Variants in DNM1L observed in about 807,000 individuals in gnomAD.
DNM1L encodes dynamin 1L, also known as dynamin-1-like protein.
In DNM1L, 33 loss-of-function variants were observed where a neutral mutation model predicts 92.8. The ratio of observed to expected loss-of-function variants is 0.36; its 90% CI spans 0.27 to 0.48. The LOEUF (loss-of-function observed/expected upper bound fraction) is 0.48, where lower values mean the gene tolerates loss of function less well. DNM1L is among the 20% of genes least tolerant of loss of function. The pLI, the probability that DNM1L is intolerant of heterozygous loss-of-function variation, is 0.99. For synonymous variants in DNM1L, 284 were observed against 305.0 expected (o/e 0.93, Z 0.72); for missense variants, 485 against 888.8 (o/e 0.55, Z 5.78).
At chr12:32,684,452 C>G (rs778691325) in intron 1 of DNM1L, among the ~76,000 whole-genome samples, 10 of 151,956 alleles carry the variant, frequency 6.6e-5, no homozygotes, top group Non-Finnish European at 1.5e-4. Flanking sequence ...TCTTTTGTGC[C>G]AGGCATCTGT....
chr12:32,745,114 T>A lies in DNM1L; in HGVS notation c.*1704T>A, dbSNP rs746465995. ...CAGTCTGATACGATATGGTACTACT[T>A]TGAATCTGTTACTAGTACCATCTTG... On this transcript the variant is annotated 3_prime_UTR_variant, in exon 20 of 20. Transcript: ENST00000549701. 9.2e-6 allele frequency: 4 copies of A among 436,998 alleles called. No homozygotes were observed. The highest frequency in any genetic ancestry group is 1.8e-5 in the Non-Finnish European group (4 of 226,396). The allele number at this position is 436,998 out of a possible 1,614,324, so 27.1% of individuals were successfully genotyped here.
intron 12 of DNM1L, chr12:32,732,576 G>C (rs1375360338): frequency 2.2e-6 from 1 of 455,922 alleles, no homozygotes; most frequent in Admixed American, 2.3e-5. Context: ...GAACCCCGTG[G>C]AGGTTTACTA....
intron 9 of DNM1L, chr12:32,728,297 A>G (rs1034829910): frequency 6.6e-6 from 1 of 152,240 alleles, no homozygotes; most frequent in Non-Finnish European, 1.5e-5. Context: ...CTCCGTAAAG[A>G]GAGTATTTAT....
At chr12:32,688,624 T>C (rs78030999) in intron 1 of DNM1L, among the ~76,000 whole-genome samples, 1,821 of 152,320 alleles carry the variant, frequency 0.012, 36 homozygotes, top group African/African-American at 0.042. Context: ...AGTTTGATTA[T>C]AATTTATCTC....
At chr12:32,695,491 T>TG (rs1202267853) in intron 1 of DNM1L, among the ~76,000 whole-genome samples, 2 of 152,114 alleles carry the variant, frequency 1.3e-5, no homozygotes, top group Non-Finnish European at 2.9e-5. Flanking sequence ...AGAAAATGGC[T>TG]GGACATGGTG....
intron 9 of DNM1L, among the ~76,000 whole-genome samples, chr12:32,724,316 G>A (rs143062309): frequency 3.3e-5 from 5 of 152,044 alleles, no homozygotes; most frequent in African/African-American, 7.2e-5. Context: ...AGTGGCTCAC[G>A]CCTGTAATCC....
chr12:32,702,457 A>C (rs1272931119), intron 2 of DNM1L, among the ~76,000 whole-genome samples: 2 of 152,176 alleles, frequency 1.3e-5, no homozygotes, highest in Admixed American at 1.3e-4. Flanking sequence ...TTTGGCTCAG[A>C]CTTTCTTATT....
chr12:32,717,483 T>TA (rs1326266272), intron 6 of DNM1L, among the ~76,000 whole-genome samples: 2 of 103,330 alleles, frequency 1.9e-5, no homozygotes, highest in African/African-American at 4.4e-5. Context: ...ATATATATTA[T>TA]ATATATATAG....
chr12:32,737,857 G>A lies in DNM1L; in HGVS notation c.1597-8G>A, dbSNP rs1317961671. The A allele has an allele frequency of 6.2e-7, 1 of 1,612,566 alleles. No homozygotes were observed. The highest frequency in any genetic ancestry group is 8.5e-7 in the Non-Finnish European group (1 of 1,179,350). On this transcript the variant is annotated splice_polypyrimidine_tract_variant and splice_region_variant and intron_variant, in intron 14 of 19. Coordinates refer to ENST00000549701, the MANE Select transcript of DNM1L (RefSeq NM_012062.5). ...ATTTTTTTTCCCCCCTGGATTTTTTGCCTTTAGTCTTCTAAAGTTCCAAGT... is the reference window on the plus strand; with the variant it reads ...ATTTTTTTTCCCCCCTGGATTTTTTACCTTTAGTCTTCTAAAGTTCCAAGT...
rs568551233 is a variant in DNM1L, at chr12:32,717,319, TAC to T, written c.620-1321_620-1320del. On this transcript the variant is annotated intron_variant, in intron 6 of 19. Transcript: ENST00000549701. ...TTTTATATATACTATATATTATATATACACTATATATTTTATATATACTATAT... is the reference window on the plus strand; with the variant it reads ...TTTTATATATACTATATATTATATATACTATATATTTTATATATACTATAT... Among the ~76,000 whole-genome samples, 421 of 76,866 alleles carry T rather than the reference TAC, an allele frequency of 5.5e-3. 18 individuals carry two copies. The highest frequency in any genetic ancestry group is 0.022 in the African/African-American group (385 of 17,390). The allele number at this position is 76,866 out of a possible 152,430, so 50.4% of individuals were successfully genotyped here. A position where few individuals can be genotyped will look rare whatever the true frequency, so the allele number is the denominator to read the frequency against.
In DNM1L at chr12:32,744,700, C is replaced by T. The variant is rs767087451; in HGVS notation, c.*1290C>T. 31 of 351,544 alleles carry T rather than the reference C, an allele frequency of 8.8e-5. No individual in the cohort carries two copies. Among genetic ancestry groups the T allele is most frequent in the South Asian group, 4.3e-4 (19 of 44,030 alleles). The allele number at this position is 351,544 out of a possible 1,614,324, so 21.8% of individuals were successfully genotyped here. On this transcript the variant is annotated 3_prime_UTR_variant, in exon 20 of 20. Coordinates refer to ENST00000549701, the MANE Select transcript of DNM1L (RefSeq NM_012062.5). ...TGCACTCCAGCCTTGGCAACAAGAG[C>T]GAAACTCCGTCTCAAAAAAAAAAAA...
chr12:32,680,391 AG>A (rs1951762161), intron 1 of DNM1L, among the ~76,000 whole-genome samples: 1 of 152,202 alleles, frequency 6.6e-6, no homozygotes, highest in African/African-American at 2.4e-5. Flanking sequence ...ATTGAGAAGG[AG>A]CGGTTTCCCC....
intron 4 of DNM1L, 137 bp from the exon 5 acceptor site, chr12:32,710,792 G>C (rs1953096815): frequency 1.4e-6 from 1 of 696,818 alleles, no homozygotes; most frequent in Admixed American, 2.7e-5. Flanking sequence ...GTTTCATCAG[G>C]TTTTGATTGT....
chr12:32,718,117 ATATAG>A (rs1023939140), intron 6 of DNM1L, among the ~76,000 whole-genome samples: 1 of 139,268 alleles, frequency 7.2e-6, no homozygotes, highest in Admixed American at 8.0e-5. Flanking sequence ...TTTATATATA[ATATAG>A]TATATATATT....
intron 1 of DNM1L, among the ~76,000 whole-genome samples, chr12:32,689,573 T>C (rs1401545105): frequency 3.9e-5 from 6 of 152,196 alleles, no homozygotes; most frequent in Admixed American, 1.3e-4. Flanking sequence ...GAAGCAAATA[T>C]ATAAGGAAAC....
intron 9 of DNM1L, chr12:32,727,150 C>G: frequency 2.5e-6 from 2 of 785,900 alleles, no homozygotes; most frequent in Middle Eastern, 3.5e-4. Flanking sequence ...TCTTCTTCAT[C>G]TGGTTTCCAT....
chr12:32,726,191 A>T (rs981650793), intron 9 of DNM1L, among the ~76,000 whole-genome samples: 1 of 152,220 alleles, frequency 6.6e-6, no homozygotes, highest in African/African-American at 2.4e-5. Context: ...TGTGCATTCA[A>T]CATACCTGGC....
intron 1 of DNM1L, chr12:32,679,859 G>T: frequency 1.0e-6 from 1 of 994,980 alleles, no homozygotes; most frequent in Non-Finnish European, 1.2e-6. Context: ...GTCTCGCTGG[G>T]CTCGGTGGGC....
At chr12:32,711,086 A>G in intron 5 of DNM1L, 71 bp downstream of exon 5, 1 of 1,329,132 alleles carries the variant, frequency 7.5e-7, no homozygotes, top group East Asian at 2.3e-5. Flanking sequence ...GAGAATAATC[A>G]GCTTCTTTTT....
Sources: allele counts gnomAD v4.1 joint callset (sites outside exome capture counted in the v4.1 genomes callset), GRCh38; gene constraint gnomAD v4.1.1; transcripts MANE v1.5; gene names NCBI Gene and HGNC (gene_info 2026-07-23, HGNC 2026-07-21).